Variants in FER1L6 observed in about 807,000 individuals in gnomAD.
FER1L6 encodes the protein fer-1-like protein 6.
Under a neutral mutation model 219.2 loss-of-function variants are expected in FER1L6, and 177 were observed. The ratio of observed to expected loss-of-function variants is 0.81; its 90% CI spans 0.71 to 0.91. FER1L6 has a LOEUF of 0.91. FER1L6 is among the 40% of genes least tolerant of loss of function. The pLI is 0.00. For synonymous variants in FER1L6, 768 were observed against 824.3 expected (o/e 0.93, Z 1.17); for missense variants, 2,153 against 2,259.9 (o/e 0.95, Z 0.96).
At chr8:123,908,231 T>C (rs538634145) in intron 1 of FER1L6, among the ~76,000 whole-genome samples, 34 of 152,368 alleles carry the variant, frequency 2.2e-4, no homozygotes, top group Middle Eastern at 3.4e-3. Context: ...CACGTATTAG[T>C]TGAGGAAATG....
rs545646307 is a variant in FER1L6, at chr8:124,111,775, C to T, written c.5290-7069C>T. ...TGTTCTCTGGTCGGTGGGTTTTGGC[C>T]GGCTTCTTTACTGCAACCTGTTTTA... On this transcript the variant is annotated intron_variant, in intron 39 of 40. Coordinates refer to ENST00000522917, the MANE Select transcript of FER1L6 (RefSeq NM_001039112.2). This position sits in a 1 kb window ranked among gnomAD's most constrained non-coding sequence, Gnocchi z 5.0. Among the ~76,000 whole-genome samples, 24 of 152,110 alleles carry T rather than the reference C, an allele frequency of 1.6e-4. 1 individual carries two copies. The South Asian group carries it at 4.4e-3, about 28-fold the overall frequency.
intron 1 of FER1L6, among the ~76,000 whole-genome samples, chr8:123,902,085 A>G (rs6982799): frequency 0.61 from 92,669 of 151,978 alleles, 28,337 homozygotes; most frequent in South Asian, 0.75. Context: ...TTGGGGGCAG[A>G]TTATTTAATT....
At chr8:123,895,859 A>G (rs994676481) in intron 1 of FER1L6, among the ~76,000 whole-genome samples, 4 of 152,188 alleles carry the variant, frequency 2.6e-5, no homozygotes, top group Non-Finnish European at 5.9e-5. Flanking sequence ...TCAAATTTAC[A>G]AAGAGTGTTA....
intron 12 of FER1L6, among the ~76,000 whole-genome samples, chr8:123,991,998 C>G (rs1816881384): frequency 6.6e-6 from 1 of 152,028 alleles, no homozygotes; most frequent in South Asian, 2.1e-4. Flanking sequence ...TGATGTATCA[C>G]TTATATTGAC....
At chr8:124,060,821 G>C (rs1451049828) in intron 24 of FER1L6, 112 bp downstream of exon 24, 1 of 1,236,344 alleles carries the variant, frequency 8.1e-7, no homozygotes, top group Non-Finnish European at 1.1e-6. Context: ...TTAGTGAAAA[G>C]CCAGAATTTC....
chr8:124,041,619 G>A (rs1239016290), intron 20 of FER1L6, among the ~76,000 whole-genome samples: 1 of 152,198 alleles, frequency 6.6e-6, no homozygotes, highest in African/African-American at 2.4e-5. Context: ...ATAAGCCTCA[G>A]GGTGCAGGGC....
chr8:124,024,090 GT>G (rs1818595181), intron 18 of FER1L6, among the ~76,000 whole-genome samples: 1 of 151,914 alleles, frequency 6.6e-6, no homozygotes, highest in African/African-American at 2.4e-5. Flanking sequence ...TAGAGATGGG[GT>G]TTCACTATGT....
At chr8:124,112,054 G>A (rs1006737909) in intron 39 of FER1L6, among the ~76,000 whole-genome samples, 32 of 152,138 alleles carry the variant, frequency 2.1e-4, no homozygotes, top group Non-Finnish European at 3.8e-4. Context: ...ATGGTGTAAT[G>A]GAAAACTCCT....
intron 22 of FER1L6, among the ~76,000 whole-genome samples, chr8:124,055,895 A>C (rs1445093075): frequency 6.6e-6 from 1 of 152,118 alleles, no homozygotes. Context: ...GATGGCCTGC[A>C]TTCCTTGGCT....
At chr8:123,959,987 G>A (rs1815196104) in intron 2 of FER1L6, among the ~76,000 whole-genome samples, 1 of 152,150 alleles carries the variant, frequency 6.6e-6, no homozygotes, top group African/African-American at 2.4e-5. Flanking sequence ...AAGAAATTCT[G>A]GGTGACTTGT....
chr8:123,999,943 T>A (rs1321138705), intron 12 of FER1L6, among the ~76,000 whole-genome samples: 1 of 152,202 alleles, frequency 6.6e-6, no homozygotes, highest in Non-Finnish European at 1.5e-5. Context: ...GAGCCCAGCA[T>A]AGCACCAGGA....
At chr8:124,119,393 C>A (rs555012731) in intron 40 of FER1L6, among the ~76,000 whole-genome samples, 5 of 152,222 alleles carry the variant, frequency 3.3e-5, no homozygotes, top group African/African-American at 1.2e-4. Flanking sequence ...GACTCTCGCT[C>A]TCTGCTCCAC....
chr8:123,857,537 A>C (rs1159032912), intron 1 of FER1L6, among the ~76,000 whole-genome samples: 1 of 152,228 alleles, frequency 6.6e-6, no homozygotes, highest in Non-Finnish European at 1.5e-5. Flanking sequence ...GGTGTAAATC[A>C]AAATTTTAAC....
At chr8:124,054,502 G>GTGT (rs1191591068) in intron 22 of FER1L6, among the ~76,000 whole-genome samples, 2 of 152,114 alleles carry the variant, frequency 1.3e-5, no homozygotes, top group East Asian at 3.8e-4. Context: ...TTCACGATAA[G>GTGT]TGTTAATATT....
chr8:124,088,592 C>T (rs1283914488), intron 33 of FER1L6, among the ~76,000 whole-genome samples: 1 of 151,992 alleles, frequency 6.6e-6, no homozygotes, highest in African/African-American at 2.4e-5. Context: ...ACTACCATAG[C>T]TGAAAATGTG....
chr8:123,932,304 T>C (rs1018557182), intron 1 of FER1L6, among the ~76,000 whole-genome samples: 3 of 152,042 alleles, frequency 2.0e-5, no homozygotes, highest in African/African-American at 7.2e-5. Context: ...AGACAGGGTT[T>C]CATTATGGTG....
rs1044286653 is a variant in FER1L6, at chr8:123,973,463, A to G, written c.477A>G (p.Val159=). 40 of 1,613,974 alleles carry G rather than the reference A, an allele frequency of 2.5e-5. No individual in the cohort carries two copies. The Admixed American group carries it at 5.8e-4, about 24-fold the overall frequency. Residue 159 remains valine (V), a synonymous_variant, in exon 7 of 41, where the codon GTA becomes GTG. Transcript: ENST00000522917. ...SVFHHKLIGS[V]LIGSFKVDLG... is the part of the protein sequence containing the mutation. ...TTCACCACAAGCTGATAGGAAGTGT[A>G]CTGATTGGCTCTTTCAAAGTAGACC...
intron 39 of FER1L6, among the ~76,000 whole-genome samples, chr8:124,103,952 A>G (rs963607239): frequency 6.6e-6 from 1 of 152,156 alleles, no homozygotes; most frequent in African/African-American, 2.4e-5. Context: ...CTCTGCTTCT[A>G]GTGCCTTGTG....
At chr8:124,103,857 T>TA (rs1822650031) in intron 39 of FER1L6, among the ~76,000 whole-genome samples, 1 of 152,226 alleles carries the variant, frequency 6.6e-6, no homozygotes, top group Non-Finnish European at 1.5e-5. Flanking sequence ...AGGGATGACT[T>TA]AGCGAGGTTG....
Sources: gnomAD v4.1 joint callset for allele counts (sites outside exome capture counted in the v4.1 genomes callset) on GRCh38, gnomAD v4.1.1 for gene constraint, Gnocchi (gnomAD v3.1) non-coding constraint, MANE v1.5 for transcripts, NCBI Gene and HGNC (gene_info 2026-07-23, HGNC 2026-07-21) for gene names.